The following VWA8 variants were observed in gnomAD, a reference collection of about 807,000 sequenced individuals.
VWA8 encodes von Willebrand factor A domain containing 8, also known as von Willebrand factor A domain-containing protein 8.
Under a neutral mutation model 241.5 loss-of-function variants are expected in VWA8, and 221 were observed. The observed-to-expected ratio is 0.91, with a 90% CI of 0.82 to 1.02. The LOEUF is 1.02. Ranked by LOEUF, VWA8 falls within the 50% of genes least tolerant of loss-of-function variation. VWA8 has a pLI of 0.00. For missense variants in VWA8, 2,322 were observed against 2,328.7 expected (o/e 1.00, Z 0.06); for synonymous variants, 852 against 827.1 (o/e 1.03, Z -0.52).
At chr13:41,703,567 A>G (rs1343842991) in intron 26 of VWA8, among the ~76,000 whole-genome samples, 156 bp from the exon 27 acceptor site, 1 of 152,224 alleles carries the variant, frequency 6.6e-6, no homozygotes, top group African/African-American at 2.4e-5. Flanking sequence ...AGTGTATAAA[A>G]TCATGTTTAA....
At chr13:41,889,871 G>A (rs1484635889) in intron 5 of VWA8, among the ~76,000 whole-genome samples, 1 of 152,080 alleles carries the variant, frequency 6.6e-6, no homozygotes, top group Non-Finnish European at 1.5e-5. Flanking sequence ...TAACACTAAT[G>A]TAATCTCTAG....
intron 37 of VWA8, among the ~76,000 whole-genome samples, chr13:41,632,806 T>A (rs778530256): frequency 4.6e-5 from 7 of 152,190 alleles, no homozygotes; most frequent in Admixed American, 1.3e-4. Context: ...AATAACAATC[T>A]TCCTTTGCTT....
intron 25 of VWA8, among the ~76,000 whole-genome samples, chr13:41,721,129 A>G (rs967831639): frequency 6.6e-6 from 1 of 152,190 alleles, no homozygotes; most frequent in Non-Finnish European, 1.5e-5. Context: ...ACAGCCTCCC[A>G]CCAAATTTCC....
At position 41,868,350 on chromosome 13, in the gene VWA8, A is replaced by G. The variant is rs1873407781; in HGVS notation, c.1208T>C (p.Ile403Thr). 3 of 1,613,950 alleles carry G rather than the reference A, an allele frequency of 1.9e-6. No homozygotes were observed. The change falls in exon 10 of 45, where the codon ATT becomes ACT. Residue 403 changes from isoleucine (I) to threonine (T), a missense_variant. Ile to Thr is a moderately conservative substitution (Grantham distance 89). Transcript: ENST00000379310. Reference protein sequence around the residue: ...TIRIADKEVTIKVPAGTRLLS... With the variant: ...TIRIADKEVTTKVPAGTRLLS... ...AATAAACCTGTGATTAATTACCTTA[A>G]TGGTCACCTCTTTATCTGCAATCCG...
rs142173854 is a variant in VWA8, at chr13:41,891,111, G to GAA, written c.651+308_651+309insTT. On this transcript the variant is annotated intron_variant, in intron 5 of 44. Coordinates refer to ENST00000379310, the MANE Select transcript of VWA8 (RefSeq NM_015058.2). ...TTAAATAGTTGTTAAGAGAAAGAAA[G>GAA]GGGGGAAAAAAGGAGATGGGAAAAG... is the stretch of plus-strand genomic sequence containing the variant. Among the ~76,000 whole-genome samples the GAA allele has an allele frequency of 1.7e-3, 257 of 151,028 alleles. 2 individuals carry two copies. Among genetic ancestry groups the GAA allele is most frequent in the African/African-American group, 5.7e-3 (236 of 41,168 alleles).
At chr13:41,774,150 A>AT (rs1273601170) in intron 20 of VWA8, among the ~76,000 whole-genome samples, 4 of 151,898 alleles carry the variant, frequency 2.6e-5, no homozygotes, top group African/African-American at 9.7e-5. Context: ...ATTTATTATT[A>AT]TTTTTTTGAT....
intron 33 of VWA8, 137 bp downstream of exon 33, chr13:41,690,029 C>T (rs1383140636): frequency 1.7e-6 from 1 of 596,742 alleles, no homozygotes; most frequent in Non-Finnish European, 2.7e-6. Flanking sequence ...TTTACTATTT[C>T]TGGTGTAGTG....
intron 19 of VWA8, among the ~76,000 whole-genome samples, chr13:41,780,064 T>C (rs1006005371): frequency 2.6e-5 from 4 of 152,200 alleles, no homozygotes; most frequent in African/African-American, 9.6e-5. Flanking sequence ...GATCTTCCTG[T>C]AGCAATTCCT....
intron 2 of VWA8, among the ~76,000 whole-genome samples, chr13:41,945,039 C>G (rs998994356): frequency 3.3e-5 from 5 of 152,186 alleles, no homozygotes; most frequent in African/African-American, 1.2e-4. Flanking sequence ...TAATCTCTCT[C>G]TCACCTTCCG....
In VWA8 at chr13:41,614,990, CAA is replaced by C; in HGVS notation, c.4704_4705del (p.Trp1569GlyfsTer34). On this transcript the variant is annotated frameshift_variant, in exon 38 of 45. Transcript: ENST00000379310. LOFTEE classifies it high-confidence loss of function. ...GTGCTACCAACCTGTTCCGCCAGCC[CAA>C]GTGTTGCCGCCCACGTGAGGCATGT... 4.3e-6 allele frequency: 7 copies of C among 1,613,366 alleles called. No homozygotes were observed. Among genetic ancestry groups the C allele is most frequent in the Non-Finnish European group, 5.9e-6 (7 of 1,179,942 alleles).
intron 21 of VWA8, among the ~76,000 whole-genome samples, chr13:41,755,787 T>C (rs915933380): frequency 2.0e-5 from 3 of 151,828 alleles, no homozygotes; most frequent in African/African-American, 7.2e-5. Context: ...ATTATATAAA[T>C]GACCCCAACT....
intron 1 of VWA8, among the ~76,000 whole-genome samples, chr13:41,953,300 C>CA (rs1878217137): frequency 6.6e-6 from 1 of 152,214 alleles, no homozygotes; most frequent in South Asian, 2.1e-4. Flanking sequence ...CTACACCCAA[C>CA]AACAGAATGC....
intron 35 of VWA8, among the ~76,000 whole-genome samples, chr13:41,683,878 T>C (rs568520754): frequency 1.3e-5 from 2 of 152,112 alleles, no homozygotes; most frequent in Non-Finnish European, 2.9e-5. Context: ...AGTCCCAGAT[T>C]TCTGGGTGAA....
intron 29 of VWA8, 37 bp from the exon 30 acceptor site, chr13:41,693,009 GTTCT>G (rs1441039483): frequency 8.5e-6 from 9 of 1,057,786 alleles, no homozygotes; most frequent in South Asian, 1.7e-5. Flanking sequence ...CTCAAGATTT[GTTCT>G]TTTTTTTTTT....
At chr13:41,821,809 C>G (rs1870970885) in intron 14 of VWA8, among the ~76,000 whole-genome samples, 1 of 152,122 alleles carries the variant, frequency 6.6e-6, no homozygotes, top group African/African-American at 2.4e-5. Flanking sequence ...AAAGTACTTT[C>G]TGATGCTTCT....
intron 2 of VWA8, among the ~76,000 whole-genome samples, chr13:41,934,507 G>A (rs1877264276): frequency 6.6e-6 from 1 of 152,000 alleles, no homozygotes; most frequent in Non-Finnish European, 1.5e-5. Context: ...TCAATGTTGA[G>A]AGCAGCTTTA....
At chr13:41,926,594 G>A (rs1257659663) in intron 2 of VWA8, 8 of 546,830 alleles carry the variant, frequency 1.5e-5, no homozygotes, top group Middle Eastern at 3.3e-4. Flanking sequence ...CACCACCTGC[G>A]AGTTCTATAT....
chr13:41,719,278 T>G (rs1032895573), intron 26 of VWA8: 16 of 933,094 alleles, frequency 1.7e-5, no homozygotes, highest in Non-Finnish European at 2.1e-5. Flanking sequence ...TACAATGATG[T>G]GCACTGGATT....
intron 39 of VWA8, among the ~76,000 whole-genome samples, chr13:41,607,446 T>G (rs1449581968): frequency 6.6e-6 from 1 of 151,192 alleles, no homozygotes; most frequent in Non-Finnish European, 1.5e-5. Flanking sequence ...CTGAAATCTC[T>G]CTATGACTTT....
Sources: gnomAD v4.1 joint callset for allele counts (sites outside exome capture counted in the v4.1 genomes callset) on GRCh38, gnomAD v4.1.1 for gene constraint, MANE v1.5 for transcripts, NCBI Gene and HGNC (gene_info 2026-07-23, HGNC 2026-07-21) for gene names.